CSF1: variants seen among roughly 807,000 people sequenced by gnomAD.
CSF1 encodes colony stimulating factor 1.
CSF1 carries 9 observed loss-of-function variants against 48.9 expected under a neutral mutation model. The ratio of observed to expected loss-of-function variants is 0.18; its 90% CI spans 0.11 to 0.32. The LOEUF (loss-of-function observed/expected upper bound fraction) is 0.32. Among genes scored for constraint, CSF1 ranks in the 10% least tolerant of loss-of-function variants. The probability of loss-of-function intolerance (pLI) is 1.00; values close to 1 mark genes in which losing one functional copy is unlikely to be tolerated. For missense variants in CSF1, 672 were observed against 697.9 expected, an observed-to-expected ratio of 0.96 and a Z score of 0.42; for synonymous variants, 305 against 284.1, an observed-to-expected ratio of 1.07 and a Z score of -0.74.
At position 109,915,668 on chromosome 1, in the gene CSF1, C is replaced by T. The variant is rs1654869915; in HGVS notation, c.197C>T (p.Thr66Ile). 6.2e-7 allele frequency: 1 copy of T among 1,613,892 alleles called. No individual in the cohort carries two copies. The highest frequency in any genetic ancestry group is 1.3e-5 in the African/African-American group (1 of 74,932). ...DSQMETSCQI[T>I]FEFVDQEQLK... The stretch of plus-strand genomic sequence containing the variant: ...CAGATGGAGACCTCGTGCCAAATTA[C>T]ATTTGAGTTTGTAGACCAGGAACAG... Residue 66 changes from threonine (T) to isoleucine (I), a missense_variant, in exon 3 of 9, where the codon ACA becomes ATA. Thr to Ile is a moderately conservative substitution (Grantham distance 89). Coordinates refer to ENST00000329608, the MANE Select transcript of CSF1 (RefSeq NM_000757.6).
chr1:109,926,411 C>T (rs1647840906), intron 8 of CSF1: 1 of 152,236 alleles, frequency 6.6e-6, no homozygotes, highest in African/African-American at 2.4e-5. Flanking sequence ...TTGTTAAAGC[C>T]ACCTTGTTGG....
At chr1:109,914,172 A>G (rs1557731550) in intron 1 of CSF1, 87 bp from the exon 2 acceptor site, 4 of 1,396,264 alleles carry the variant, frequency 2.9e-6, no homozygotes, top group East Asian at 2.5e-5. Flanking sequence ...TGTAGATATG[A>G]GGCCTTTGTT....
chr1:109,921,957 G>A lies in CSF1; in HGVS notation c.507G>A (p.Lys169=). ...LLDKDWNIFS[K]NCNNSFAECS... is the part of the protein sequence containing the mutation. ...ACAAGGACTGGAATATTTTCAGCAA[G>A]AACTGCAACAACAGCTTTGCTGAAT... Residue 169 remains lysine (K), a synonymous_variant, in exon 5 of 9, where the codon AAG becomes AAA. Transcript: ENST00000329608. 1 of 1,609,310 alleles carries A rather than the reference G, an allele frequency of 6.2e-7. No individual in the cohort carries two copies. Among genetic ancestry groups the A allele is most frequent in the Non-Finnish European group, 8.5e-7 (1 of 1,177,318 alleles).
chr1:109,910,856 G>C lies in CSF1; in HGVS notation c.-168G>C. 1 of 295,368 alleles carries C rather than the reference G, an allele frequency of 3.4e-6. No individual in the cohort carries two copies. The highest frequency in any genetic ancestry group is 5.4e-6 in the Non-Finnish European group (1 of 185,580). The allele number at this position is 295,368 out of a possible 1,614,324, so 18.3% of individuals were successfully genotyped here. On this transcript the variant is annotated 5_prime_UTR_variant, in exon 1 of 9. Coordinates refer to ENST00000329608, the MANE Select transcript of CSF1 (RefSeq NM_000757.6). Reference sequence around the variant, plus strand: ...TGCCGAGGGCTGGCCAGTGAGGCTCGGCCCGGGGAAAGTGAAAGTTTGCCT... The same window carrying C: ...TGCCGAGGGCTGGCCAGTGAGGCTCCGCCCGGGGAAAGTGAAAGTTTGCCT...
rs1647956804 is a variant in CSF1, at chr1:109,928,959, C to T, written c.*121C>T. Reference sequence around the variant, plus strand: ...TGTGGTCTGCCCTCCACCAGAGCTCCTGCCTGCCAGGACTGGACCAGAGCA... The same window carrying T: ...TGTGGTCTGCCCTCCACCAGAGCTCTTGCCTGCCAGGACTGGACCAGAGCA... On this transcript the variant is annotated 3_prime_UTR_variant, in exon 9 of 9. Transcript: ENST00000329608. 6.5e-6 allele frequency: 1 copy of T among 152,964 alleles called. No homozygotes were observed. The allele number at this position is 152,964 out of a possible 1,614,324, so 9.5% of individuals were successfully genotyped here.
chr1:109,927,367 A>G (rs999806191), intron 8 of CSF1, among the ~76,000 whole-genome samples: 3 of 152,204 alleles, frequency 2.0e-5, no homozygotes, highest in African/African-American at 7.2e-5. Context: ...CCTGGGGTCT[A>G]CCTTGTCAGT....
chr1:109,921,312 T>C (rs76724794), intron 4 of CSF1, among the ~76,000 whole-genome samples: 4,068 of 152,280 alleles, frequency 0.027, 84 homozygotes, highest in East Asian at 0.099. Context: ...CTTCTTTTAG[T>C]CTTTGGGCTT....
rs754936974 is a variant in CSF1, at chr1:109,917,377, C to G, written c.310C>G (p.Pro104Ala). 8.7e-6 allele frequency: 14 copies of G among 1,614,180 alleles called. No homozygotes were observed. The highest frequency in any genetic ancestry group is 1.2e-5 in the Non-Finnish European group (14 of 1,180,028). ...EDTMRFRDNT[P>A]NAIAIVQLQE... The stretch of plus-strand genomic sequence containing the variant: ...CACCATGCGCTTCAGAGATAACACC[C>G]CCAATGCCATCGCCATTGTGCAGCT... Residue 104 changes from proline (P) to alanine (A), a missense_variant, in exon 4 of 9, where the codon CCC (proline) becomes GCC (alanine). Transcript: ENST00000329608.
intron 4 of CSF1, 151 bp downstream of exon 4, chr1:109,917,614 CCAGG>C (rs777062114): frequency 4.0e-4 from 327 of 812,734 alleles, no homozygotes; most frequent in Non-Finnish European, 5.5e-4. Context: ...CCAACCTTTA[CCAGG>C]CAGGAGGCAG....
At chr1:109,924,267 G>C (rs1647734513) in intron 6 of CSF1, 77 bp downstream of exon 6, 4 of 1,338,060 alleles carry the variant, frequency 3.0e-6, no homozygotes, top group Non-Finnish European at 4.0e-6. Context: ...CAGGTGGGGG[G>C]ACAGCTTGGG....
chr1:109,920,293 G>A (rs879580103), intron 4 of CSF1, among the ~76,000 whole-genome samples: 7 of 151,918 alleles, frequency 4.6e-5, no homozygotes, highest in African/African-American at 9.7e-5. Context: ...GTAAACTGCC[G>A]GAGTCTCACT....
intron 4 of CSF1, among the ~76,000 whole-genome samples, chr1:109,921,560 A>T (rs1212579373): frequency 1.3e-5 from 2 of 152,110 alleles, no homozygotes; most frequent in Admixed American, 6.5e-5. Flanking sequence ...GGATTGCTGG[A>T]CTCAGTGTCC....
rs957797539 is a variant in CSF1 at position 109,929,668 on chromosome 1, A to T, written c.*830A>T. 5 of 153,848 alleles carry T rather than the reference A, an allele frequency of 3.2e-5. No individual in the cohort carries two copies. Among genetic ancestry groups the T allele is most frequent in the Admixed American group, 2.0e-4 (3 of 15,294 alleles). The allele number at this position is 153,848 out of a possible 1,614,324, so 9.5% of individuals were successfully genotyped here. A position where few individuals can be genotyped will look rare whatever the true frequency, so the allele number is the denominator to read the frequency against. On this transcript the variant is annotated 3_prime_UTR_variant, in exon 9 of 9. Coordinates refer to ENST00000329608, the MANE Select transcript of CSF1 (RefSeq NM_000757.6). ...CTGTGAACACTGTACCTGCCTGCTGAACAGCCTGCCCCCGTCCATCCATGA... is the reference window on the plus strand; with the variant it reads ...CTGTGAACACTGTACCTGCCTGCTGTACAGCCTGCCCCCGTCCATCCATGA...
intron 5 of CSF1, among the ~76,000 whole-genome samples, chr1:109,922,854 C>T (rs1647626883): frequency 6.6e-6 from 1 of 152,188 alleles, no homozygotes; most frequent in African/African-American, 2.4e-5. Context: ...CTGCTCACCC[C>T]TAGCTTGGCC....
In CSF1 at chr1:109,910,978, G is replaced by T; in HGVS notation, c.-46G>T. The stretch of plus-strand genomic sequence containing the variant: ...TCCGCAGCAGCCAGCGAGCGAGCGA[G>T]CGAGCGAGGGCGGCCGACGCGCCCG... On this transcript the variant is annotated 5_prime_UTR_variant, in exon 1 of 9. Transcript: ENST00000329608. The T allele has an allele frequency of 8.6e-7, 1 of 1,156,460 alleles. No homozygotes were observed. Among genetic ancestry groups the T allele is most frequent in the Non-Finnish European group, 1.1e-6 (1 of 941,986 alleles). 71.6% of individuals were successfully genotyped at this position (1,156,460 alleles called of 1,614,324 possible).
At chr1:109,913,214 G>A (rs1327015391) in intron 1 of CSF1, among the ~76,000 whole-genome samples, 2 of 152,212 alleles carry the variant, frequency 1.3e-5, no homozygotes, top group African/African-American at 2.4e-5. Flanking sequence ...CTGGATTATT[G>A]AGGCAAAACC....
chr1:109,910,702 C>A, upstream of CSF1: 1 of 339,718 alleles, frequency 2.9e-6, no homozygotes, highest in Non-Finnish European at 5.8e-6. Flanking sequence ...GGGAAGGCGG[C>A]TGAGTGGGCC....
In CSF1 at chr1:109,930,690, T is replaced by C. The variant is rs1648032996; in HGVS notation, c.*1852T>C. 1 of 152,190 alleles carries C rather than the reference T, an allele frequency of 6.6e-6. No homozygotes were observed. Among genetic ancestry groups the C allele is most frequent in the Non-Finnish European group, 1.5e-5 (1 of 68,044 alleles). 9.4% of individuals were successfully genotyped at this position (152,190 alleles called of 1,614,324 possible). On this transcript the variant is annotated 3_prime_UTR_variant, in exon 9 of 9. Transcript: ENST00000329608. ...GCATTCCCCCTTCATCCCCCTACCTTAAACATATAATATTTTAAAGGTCAA... is the reference window on the plus strand; with the variant it reads ...GCATTCCCCCTTCATCCCCCTACCTCAAACATATAATATTTTAAAGGTCAA...
intron 4 of CSF1, among the ~76,000 whole-genome samples, chr1:109,918,251 A>G (rs1323145029): frequency 1.3e-5 from 2 of 152,216 alleles, no homozygotes; most frequent in Non-Finnish European, 2.9e-5. Context: ...CAGGGACCCA[A>G]AGGGTTATCA....
Sources: gnomAD v4.1 joint callset for allele counts (sites outside exome capture counted in the v4.1 genomes callset) on GRCh38, gnomAD v4.1.1 for gene constraint, MANE v1.5 for transcripts, NCBI Gene and HGNC (gene_info 2026-07-23, HGNC 2026-07-21) for gene names.